The following FHIT variants were observed in gnomAD, a reference collection of about 807,000 sequenced individuals.
FHIT encodes fragile histidine triad diadenosine triphosphatase.
FHIT carries 19 observed loss-of-function variants against 17.9 expected under a neutral mutation model. The observed-to-expected ratio is 1.06, with a 90% CI of 0.74 to 1.56. FHIT has a LOEUF of 1.56. Among genes scored for constraint, FHIT ranks in the 40% most tolerant of loss-of-function variants. The probability of loss-of-function intolerance (pLI) is 0.00; values close to 1 mark genes in which losing one functional copy is unlikely to be tolerated. For missense variants in FHIT, 248 were observed against 189.2 expected (o/e 1.31, Z -1.82); for synonymous variants, 81 against 69.7 (o/e 1.16, Z -0.81).
At chr3:59,871,251 C>T (rs1160843092) in intron 8 of FHIT, among the ~76,000 whole-genome samples, 4 of 152,096 alleles carry the variant, frequency 2.6e-5, no homozygotes, top group Admixed American at 2.0e-4. Flanking sequence ...ACCAGAATGA[C>T]ATTTCTGAAG....
At chr3:60,612,586 C>A (rs2038820136) in intron 4 of FHIT, among the ~76,000 whole-genome samples, 1 of 152,186 alleles carries the variant, frequency 6.6e-6, no homozygotes, top group Non-Finnish European at 1.5e-5. Flanking sequence ...TTGTGCCCTT[C>A]TTATAGCCAG....
intron 4 of FHIT, among the ~76,000 whole-genome samples, chr3:60,784,837 G>A (rs6801955): frequency 0.38 from 58,267 of 151,990 alleles, 11,779 homozygotes; most frequent in African/African-American, 0.44. Context: ...CCTTATAAGG[G>A]GCTGAAAAGA....
chr3:60,451,307 C>A (rs2031728439), intron 5 of FHIT, among the ~76,000 whole-genome samples: 1 of 152,056 alleles, frequency 6.6e-6, no homozygotes, highest in African/African-American at 2.4e-5. Context: ...TCATAAGGCC[C>A]ACCTCCAGCC....
At chr3:60,131,575 G>GC (rs1168241805) in intron 5 of FHIT, among the ~76,000 whole-genome samples, 1 of 152,134 alleles carries the variant, frequency 6.6e-6, no homozygotes, top group Non-Finnish European at 1.5e-5. Context: ...AATAAGGGCA[G>GC]CTACAGCCTT....
intron 5 of FHIT, among the ~76,000 whole-genome samples, chr3:60,031,069 C>A (rs1700978228): frequency 6.6e-6 from 1 of 152,198 alleles, no homozygotes; most frequent in African/African-American, 2.4e-5. Flanking sequence ...GGAGAAGTTT[C>A]ACTTTGCAGC....
chr3:60,078,276 C>A (rs1320270112), intron 5 of FHIT, among the ~76,000 whole-genome samples: 1 of 152,068 alleles, frequency 6.6e-6, no homozygotes, highest in Non-Finnish European at 1.5e-5. Context: ...ACCAAGTGAT[C>A]AAAGTTAATA....
chr3:60,577,584 G>T (rs1397621290), intron 4 of FHIT, among the ~76,000 whole-genome samples: 2 of 152,116 alleles, frequency 1.3e-5, no homozygotes, highest in Non-Finnish European at 2.9e-5. Flanking sequence ...TGTATATTTT[G>T]TAAGAAAAAG....
intron 5 of FHIT, among the ~76,000 whole-genome samples, chr3:60,256,902 C>T (rs761001424): frequency 3.9e-5 from 6 of 152,172 alleles, no homozygotes; most frequent in South Asian, 2.1e-4. Context: ...GTGGAACCTA[C>T]GCAATGTCTA....
At chr3:60,441,798 A>ATGTGTGTGTG (rs1559916451) in intron 5 of FHIT, among the ~76,000 whole-genome samples, 1 of 65,580 alleles carries the variant, frequency 1.5e-5, no homozygotes, top group African/African-American at 4.3e-5. Flanking sequence ...ATATATATAT[A>ATGTGTGTGTG]TATATATATA....
At chr3:60,311,929 A>G (rs1708965977) in intron 5 of FHIT, among the ~76,000 whole-genome samples, 1 of 152,202 alleles carries the variant, frequency 6.6e-6, no homozygotes, top group African/African-American at 2.4e-5. Context: ...GACCTAAGGA[A>G]GAAAAAAACG....
chr3:60,565,506 C>T (rs1379453342), intron 4 of FHIT, among the ~76,000 whole-genome samples: 1 of 152,112 alleles, frequency 6.6e-6, no homozygotes, highest in African/African-American at 2.4e-5. Context: ...CCTGTTATTC[C>T]TTTAAAAATA....
At chr3:59,870,145 C>T (rs1702853692) in intron 8 of FHIT, among the ~76,000 whole-genome samples, 1 of 152,166 alleles carries the variant, frequency 6.6e-6, no homozygotes, top group South Asian at 2.1e-4. Flanking sequence ...TATTTCACTA[C>T]CAAATGCCTT....
At chr3:60,893,019 C>T (rs1705598125) in intron 3 of FHIT, among the ~76,000 whole-genome samples, 1 of 152,088 alleles carries the variant, frequency 6.6e-6, no homozygotes, top group African/African-American at 2.4e-5. Context: ...AACATGCTAC[C>T]ACAAAACATG....
At chr3:60,035,935 C>T (rs1291427993) in intron 5 of FHIT, among the ~76,000 whole-genome samples, 2 of 152,210 alleles carry the variant, frequency 1.3e-5, no homozygotes, top group African/African-American at 4.8e-5. Flanking sequence ...TTCTTGCCTG[C>T]TATTTGTCCA....
At chr3:60,074,088 G>A (rs1288635711) in intron 5 of FHIT, among the ~76,000 whole-genome samples, 1 of 152,044 alleles carries the variant, frequency 6.6e-6, no homozygotes, top group Non-Finnish European at 1.5e-5. Context: ...AGATGTCTTA[G>A]TTTTTTGCTG....
At chr3:60,334,777 G>T (rs900575964) in intron 5 of FHIT, among the ~76,000 whole-genome samples, 1 of 152,180 alleles carries the variant, frequency 6.6e-6, no homozygotes, top group South Asian at 2.1e-4. Context: ...ACGCCTGGGC[G>T]ACAGAGAGAG....
At chr3:59,785,045 A>G (rs1040794721) in intron 8 of FHIT, among the ~76,000 whole-genome samples, 1 of 150,434 alleles carries the variant, frequency 6.6e-6, no homozygotes, top group Non-Finnish European at 1.5e-5. Context: ...CCGAGCAACA[A>G]GAGAGAGAGA....
chr3:60,931,804 C>T lies in FHIT; in HGVS notation c.-110-109793G>A, dbSNP rs782791661. Among the ~76,000 whole-genome samples, 5 of 152,108 alleles carry T rather than the reference C, an allele frequency of 3.3e-5. No individual in the cohort carries two copies. The South Asian group carries it at 8.3e-4, about 25-fold the overall frequency. On this transcript the variant is annotated intron_variant, in intron 3 of 9. Coordinates refer to ENST00000492590, the MANE Select transcript of FHIT (RefSeq NM_002012.4). ...TTTAAAGAGCATATATAAAGAACACCGGCAGTAGCTATTTAAATTTCCCAG... is the reference window on the plus strand; with the variant it reads ...TTTAAAGAGCATATATAAAGAACACTGGCAGTAGCTATTTAAATTTCCCAG...
At chr3:61,076,834 A>G (rs2034987894) in intron 2 of FHIT, among the ~76,000 whole-genome samples, 1 of 152,194 alleles carries the variant, frequency 6.6e-6, no homozygotes, top group Non-Finnish European at 1.5e-5. Context: ...ACACTGAAAT[A>G]CAAAGTATCA....
Sources: gnomAD v4.1 joint callset for allele counts (sites outside exome capture counted in the v4.1 genomes callset) on GRCh38, gnomAD v4.1.1 for gene constraint, MANE v1.5 for transcripts, NCBI Gene and HGNC (gene_info 2026-07-23, HGNC 2026-07-21) for gene names.